The following METTL15 variants were observed in gnomAD, a reference collection of about 807,000 sequenced individuals.
The protein encoded by METTL15 is methyltransferase 15, mitochondrial 12S rRNA N4-cytidine, also known as 12S rRNA N(4)-cytidine methyltransferase METTL15.
A neutral mutation model predicts 38.3 loss-of-function variants in METTL15; 34 were observed. The ratio of observed to expected loss-of-function variants is 0.89; its 90% CI spans 0.68 to 1.18. The LOEUF (loss-of-function observed/expected upper bound fraction) is 1.18, where lower values mean the gene tolerates loss of function less well. METTL15 is among the 50% of genes most tolerant of loss of function. The pLI is 0.00. For missense variants in METTL15, 438 were observed against 498.4 expected (o/e 0.88, Z 1.15); for synonymous variants, 162 against 170.9 (o/e 0.95, Z 0.41).
At chr11:28,227,927 C>T (rs373238362) in intron 4 of METTL15, among the ~76,000 whole-genome samples, 108 of 151,846 alleles carry the variant, frequency 7.1e-4, no homozygotes, top group African/African-American at 2.4e-3. Context: ...TCTGGCTTCC[C>T]GTTTTAATGA....
intron 4 of METTL15, among the ~76,000 whole-genome samples, chr11:28,275,859 C>T (rs1855822450): frequency 6.6e-6 from 1 of 152,016 alleles, no homozygotes; most frequent in African/African-American, 2.4e-5. Flanking sequence ...ATATTAATCT[C>T]AGTATACACA....
chr11:28,131,262 G>A (rs1301949072), intron 3 of METTL15, among the ~76,000 whole-genome samples: 3 of 152,138 alleles, frequency 2.0e-5, no homozygotes, highest in Non-Finnish European at 4.4e-5. Context: ...TTTCAAGTAC[G>A]TTCCTGAAAT....
intron 4 of METTL15, among the ~76,000 whole-genome samples, chr11:28,255,721 G>A (rs1854944953): frequency 6.6e-6 from 1 of 152,014 alleles, no homozygotes; most frequent in Admixed American, 6.6e-5. Context: ...GCTTTTCTTT[G>A]AGACGGAGTT....
At chr11:28,320,195 T>G (rs1190123442) in intron 6 of METTL15, among the ~76,000 whole-genome samples, 1 of 150,766 alleles carries the variant, frequency 6.6e-6, no homozygotes, top group Non-Finnish European at 1.5e-5. Flanking sequence ...TTTTTTTTTT[T>G]TTTTTTGAGC....
intron 6 of METTL15, among the ~76,000 whole-genome samples, chr11:28,424,844 C>G (rs967163329): frequency 2.0e-5 from 3 of 152,110 alleles, no homozygotes; most frequent in African/African-American, 7.2e-5. Context: ...CCCTTTTTCT[C>G]TTCATTGAGC....
At chr11:28,274,037 A>G (rs1488539580) in intron 4 of METTL15, among the ~76,000 whole-genome samples, 3 of 152,108 alleles carry the variant, frequency 2.0e-5, no homozygotes, top group African/African-American at 7.2e-5. Context: ...GAGAAATAAT[A>G]CACAGTATTC....
chr11:28,480,606 A>G (rs1040892761), intron 6 of METTL15, among the ~76,000 whole-genome samples: 6 of 152,168 alleles, frequency 3.9e-5, no homozygotes, highest in African/African-American at 1.4e-4. Flanking sequence ...TTTAGCGGTG[A>G]CCCTGGCTTT....
chr11:28,440,384 A>G (rs1336212155), intron 6 of METTL15, among the ~76,000 whole-genome samples: 3 of 152,204 alleles, frequency 2.0e-5, no homozygotes, highest in Non-Finnish European at 4.4e-5. Context: ...TTTTTGCCAC[A>G]AAAGAAAAAA....
chr11:28,186,394 G>A (rs1851495065), intron 3 of METTL15, among the ~76,000 whole-genome samples: 1 of 151,014 alleles, frequency 6.6e-6, no homozygotes, highest in African/African-American at 2.4e-5. Flanking sequence ...GAATTTTTTT[G>A]TATATATCTT....
chr11:28,368,134 A>AC lies in METTL15; in HGVS notation c.*358+6098_*358+6099insC, dbSNP rs1265020114. ...CTAAAGAGCTTCTGCATAGCAAAAA[A>AC]AAAAAAAACAAAAAAAACAAAAAAA... On this transcript the variant is annotated intron_variant and NMD_transcript_variant, in intron 5 of 7. Coordinates refer to the METTL15 transcript ENST00000532947. Among the ~76,000 whole-genome samples the AC allele has an allele frequency of 3.3e-3, 481 of 143,852 alleles. 4 individuals are homozygous for AC. Among genetic ancestry groups the AC allele is most frequent in the Middle Eastern group, 7.1e-3 (2 of 280 alleles). The allele number at this position is 143,852 out of a possible 152,430, so 94.4% of individuals were successfully genotyped here.
chr11:28,118,094 G>T (rs536993155), intron 3 of METTL15, among the ~76,000 whole-genome samples: 1 of 151,898 alleles, frequency 6.6e-6, no homozygotes, highest in African/African-American at 2.4e-5. Context: ...GCTCCACCTC[G>T]CAGGTTCACT....
At position 28,330,601 on chromosome 11, in the gene METTL15, C is replaced by T. The variant is rs1276239204; in HGVS notation, c.984C>T (p.Ile328=). 1.5e-5 allele frequency: 23 copies of T among 1,551,212 alleles called. No individual in the cohort carries two copies. Among genetic ancestry groups the T allele is most frequent in the Admixed American group, 7.9e-5 (4 of 50,942 alleles). ...CCTTCCATTCACTAGAGGATCGCATCGTCAAAAGATTTTTGCTTGGAATAA... is the reference window on the plus strand; with the variant it reads ...CCTTCCATTCACTAGAGGATCGCATTGTCAAAAGATTTTTGCTTGGAATAA... The part of the protein sequence containing the change: ...ALSFHSLEDR[I]VKRFLLGISM... Residue 328 remains isoleucine, a synonymous_variant, in exon 7 of 7, where the codon ATC becomes ATT. Transcript: ENST00000407364.
chr11:28,233,071 A>G (rs931652709), intron 4 of METTL15, among the ~76,000 whole-genome samples: 26 of 152,060 alleles, frequency 1.7e-4, no homozygotes, highest in African/African-American at 6.0e-4. Flanking sequence ...GCCCTTAACA[A>G]TCTTATCACA....
intron 6 of METTL15, among the ~76,000 whole-genome samples, chr11:28,504,414 A>G (rs1445485882): frequency 1.3e-5 from 2 of 152,190 alleles, no homozygotes; most frequent in African/African-American, 4.8e-5. Context: ...AAGTATGTCC[A>G]ATGGGCCCAT....
intron 5 of METTL15, among the ~76,000 whole-genome samples, chr11:28,392,101 C>G (rs1850515515): frequency 6.6e-6 from 1 of 152,078 alleles, no homozygotes; most frequent in Admixed American, 6.6e-5. Flanking sequence ...CTACTATGAA[C>G]TCAAACAAAT....
intron 3 of METTL15, among the ~76,000 whole-genome samples, chr11:28,127,143 TTTTTAAA>T (rs2133621100): frequency 1.3e-5 from 2 of 152,220 alleles, no homozygotes; most frequent in South Asian, 4.1e-4. Flanking sequence ...TTAAGTCTGC[TTTTTAAA>T]AAGATAATTC....
chr11:28,188,623 G>T (rs940838370), intron 3 of METTL15, among the ~76,000 whole-genome samples: 1 of 151,112 alleles, frequency 6.6e-6, no homozygotes, highest in Non-Finnish European at 1.5e-5. Context: ...GATATATATC[G>T]TATCAGTTTC....
intron 6 of METTL15, among the ~76,000 whole-genome samples, chr11:28,500,145 G>A (rs545460768): frequency 5.0e-4 from 76 of 152,062 alleles, no homozygotes; most frequent in South Asian, 1.3e-3. Context: ...GGCTGTGAAC[G>A]GATACACACA....
chr11:28,390,991 A>G (rs1264253757), intron 5 of METTL15, among the ~76,000 whole-genome samples: 17 of 152,156 alleles, frequency 1.1e-4, no homozygotes, highest in Admixed American at 1.0e-3. Flanking sequence ...CTTTGAAGCA[A>G]TTGTGAATGG....
Sources: allele counts gnomAD v4.1 joint callset (sites outside exome capture counted in the v4.1 genomes callset), GRCh38; gene constraint gnomAD v4.1.1; transcripts MANE v1.5; gene names NCBI Gene and HGNC (gene_info 2026-07-23, HGNC 2026-07-21).